Variants in DCP1B observed in about 807,000 individuals in gnomAD.
The protein encoded by DCP1B is decapping mRNA 1B.
DCP1B carries 47 observed loss-of-function variants against 60.5 expected under a neutral mutation model. The ratio of observed to expected loss-of-function variants is 0.78; its 90% CI spans 0.61 to 0.99. The LOEUF (loss-of-function observed/expected upper bound fraction) is 0.99, where lower values mean the gene tolerates loss of function less well. Ranked by LOEUF, DCP1B falls within the 50% of genes least tolerant of loss-of-function variation. DCP1B has a pLI of 0.00. For missense variants in DCP1B, 725 were observed against 756.8 expected (o/e 0.96, Z 0.49); for synonymous variants, 267 against 280.3 (o/e 0.95, Z 0.47).
At chr12:1,982,438 T>C (rs1235848803) in intron 3 of DCP1B, among the ~76,000 whole-genome samples, 1 of 152,192 alleles carries the variant, frequency 6.6e-6, no homozygotes, top group African/African-American at 2.4e-5. Flanking sequence ...TGAATTTGAC[T>C]ACTCTAGGTA....
chr12:1,949,127 T>C lies in DCP1B; in HGVS notation c.1732A>G (p.Thr578Ala), dbSNP rs11835821. The change falls in exon 8 of 9, where the codon ACC (threonine) becomes GCC (alanine). Residue 578 changes from threonine to alanine, a missense_variant. Transcript: ENST00000280665. ...AGTGCCTCCTGGAGCTGGAGCTTGG[T>C]GAGTGGGCTGCTGGTGATCACGGAG... is the stretch of plus-strand genomic sequence containing the variant. ...EPSVITSSPL[T>A]KLQLQEALLY... is the part of the protein sequence containing the mutation. 5 of 1,613,984 alleles carry C rather than the reference T, an allele frequency of 3.1e-6. No homozygotes were observed. The South Asian group carries it at 3.3e-5, about 11-fold the overall frequency.
chr12:2,001,484 GT>G (rs1294824712), intron 1 of DCP1B, among the ~76,000 whole-genome samples: 2 of 152,184 alleles, frequency 1.3e-5, no homozygotes. Context: ...AAATAGTGCT[GT>G]TTTGCAAATT....
chr12:1,997,882 G>T, intron 2 of DCP1B, 53 bp downstream of exon 2: 1 of 1,418,818 alleles, frequency 7.0e-7, no homozygotes, highest in Non-Finnish European at 9.8e-7. Flanking sequence ...ACACAACGGA[G>T]CTAAAATATT....
chr12:1,946,351 T>C, intron 8 of DCP1B, 65 bp from the exon 9 acceptor site: 4 of 1,343,020 alleles, frequency 3.0e-6, no homozygotes, highest in Non-Finnish European at 4.1e-6. Flanking sequence ...AGGCTTCCTC[T>C]GTCTTAGAGC....
intron 7 of DCP1B, chr12:1,950,184 A>G (rs1229280922): frequency 1.7e-6 from 1 of 592,350 alleles, no homozygotes; most frequent in African/African-American, 1.9e-5. Context: ...TTTTATAATC[A>G]ATCCCTTAGC....
In DCP1B at chr12:1,952,690, ACTGT is replaced by A; in HGVS notation, c.1246_1249del (p.Thr416Ter). On this transcript the variant is annotated frameshift_variant, in exon 7 of 9. Transcript: ENST00000280665. LOFTEE classifies it high-confidence loss of function. ...TTCTCTTCCATGAGCCTGATGTCCT[ACTGT>A]CTGAGGTGGAAGGGAGCCATTGAAA... The A allele has an allele frequency of 6.2e-7, 1 of 1,614,052 alleles. No homozygotes were observed. The highest frequency in any genetic ancestry group is 1.1e-5 in the South Asian group (1 of 91,076).
Position 1,952,526 on chromosome 12 carries a change from C to G in DCP1B, c.1414G>C (p.Ala472Pro). ...EQQLHASNRP[A>P]LAAKFPVLAQ... ...AGCACAGGAAACTTAGCGGCCAAGGCTGGCCGGTTAGAGGCATGCAGCTGC... is the reference window on the plus strand; with the variant it reads ...AGCACAGGAAACTTAGCGGCCAAGGGTGGCCGGTTAGAGGCATGCAGCTGC... The change falls in exon 7 of 9, where the codon GCC becomes CCC. Residue 472 changes from alanine to proline, a missense_variant. Physicochemically the swap from Ala to Pro is conservative, Grantham distance 27. Coordinates refer to ENST00000280665, the MANE Select transcript of DCP1B (RefSeq NM_152640.5). 1 of 1,614,174 alleles carries G rather than the reference C, an allele frequency of 6.2e-7. No individual in the cohort carries two copies. The highest frequency in any genetic ancestry group is 8.5e-7 in the Non-Finnish European group (1 of 1,180,020).
At chr12:1,981,636 T>C (rs965029561) in intron 3 of DCP1B, among the ~76,000 whole-genome samples, 23 of 152,224 alleles carry the variant, frequency 1.5e-4, no homozygotes, top group Admixed American at 1.4e-3. Context: ...ATATAGCTTA[T>C]TCGTTACTGC....
At chr12:1,963,215 T>C (rs1406402915) in intron 5 of DCP1B, among the ~76,000 whole-genome samples, 1 of 152,230 alleles carries the variant, frequency 6.6e-6, no homozygotes, top group Non-Finnish European at 1.5e-5. Context: ...AGCCTGATCC[T>C]TCCACTGTCA....
chr12:1,959,954 C>T (rs577303605), intron 5 of DCP1B, among the ~76,000 whole-genome samples: 73 of 112,638 alleles, frequency 6.5e-4, no homozygotes, highest in African/African-American at 2.4e-3. Context: ...AGCAAGACTC[C>T]GTCTCAAAAA....
rs543073761 is a variant in DCP1B at position 1,966,749 on chromosome 12, G to A, written c.387-1056C>T. On this transcript the variant is annotated intron_variant, in intron 4 of 8. Transcript: ENST00000280665. ...GTTCTAGGAACTAGTTGTTATGGTG[G>A]TAAATACCAGTTTGAATACACTTAA... Among the ~76,000 whole-genome samples the A allele has an allele frequency of 7.2e-5, 11 of 151,812 alleles. No individual in the cohort carries two copies. In the Middle Eastern group the frequency reaches 0.02, roughly 282 times the overall value.
intron 7 of DCP1B, among the ~76,000 whole-genome samples, chr12:1,951,964 C>T (rs913920955): frequency 1.3e-5 from 2 of 152,184 alleles, no homozygotes; most frequent in African/African-American, 2.4e-5. Flanking sequence ...GAAGATTTAA[C>T]TCTACAAGTA....
In DCP1B at chr12:1,971,407, A is replaced by G. The variant is rs936484103; in HGVS notation, c.320-3497T>C. Among the ~76,000 whole-genome samples, 1 of 152,224 alleles carries G rather than the reference A, an allele frequency of 6.6e-6. No individual in the cohort carries two copies. ...CGTTCTTTGGAAATTCTCAATTGAAAAAAAGTGATGTTTGAGGCAACAGGC... is the reference window on the plus strand; with the variant it reads ...CGTTCTTTGGAAATTCTCAATTGAAGAAAAGTGATGTTTGAGGCAACAGGC... On this transcript the variant is annotated intron_variant, in intron 3 of 8. Transcript: ENST00000280665. This position sits in a 1 kb window ranked among gnomAD's most constrained non-coding sequence, Gnocchi z 4.2.
At chr12:1,956,204 T>C (rs2108638) in intron 5 of DCP1B, among the ~76,000 whole-genome samples, 114,327 of 152,172 alleles carry the variant, frequency 0.75, 43,203 homozygotes, top group African/African-American at 0.85. Flanking sequence ...GACTCATTAT[T>C]ATACATTAAT....
chr12:1,978,307 G>T (rs1029757378), intron 3 of DCP1B, among the ~76,000 whole-genome samples: 5 of 152,148 alleles, frequency 3.3e-5, no homozygotes, highest in African/African-American at 1.2e-4. Flanking sequence ...AAGTACTGAA[G>T]ATGTGTTTTA....
At chr12:2,000,602 C>A (rs1276321233) in intron 1 of DCP1B, among the ~76,000 whole-genome samples, 1 of 152,092 alleles carries the variant, frequency 6.6e-6, no homozygotes, top group Non-Finnish European at 1.5e-5. Flanking sequence ...TTTTATTTAG[C>A]ATTACACACA....
At chr12:1,988,448 T>C (rs1053863657) in intron 3 of DCP1B, among the ~76,000 whole-genome samples, 1 of 152,202 alleles carries the variant, frequency 6.6e-6, no homozygotes, top group African/African-American at 2.4e-5. Flanking sequence ...GAGTACATAT[T>C]ACCATTCTGC....
chr12:1,995,642 C>A (rs1203503623), intron 2 of DCP1B, among the ~76,000 whole-genome samples: 1 of 152,236 alleles, frequency 6.6e-6, no homozygotes, highest in Non-Finnish European at 1.5e-5. Context: ...GAGCTCCCTC[C>A]TGCCCAGCAT....
chr12:1,965,776 G>A, intron 4 of DCP1B, 83 bp from the exon 5 acceptor site: 2 of 1,451,424 alleles, frequency 1.4e-6, no homozygotes, highest in African/African-American at 2.9e-5. Context: ...TTCTCACCTA[G>A]TTGTTTTCAT....
Sources: allele counts gnomAD v4.1 joint callset (sites outside exome capture counted in the v4.1 genomes callset), GRCh38; gene constraint gnomAD v4.1.1; non-coding constraint Gnocchi (gnomAD v3.1); transcripts MANE v1.5; gene names NCBI Gene and HGNC (gene_info 2026-07-23, HGNC 2026-07-21).